The following ITPR2 variants were observed in gnomAD, a reference collection of about 807,000 sequenced individuals.
ITPR2 encodes the protein inositol 1,4,5-trisphosphate-gated calcium channel ITPR2.
ITPR2 carries 207 observed loss-of-function variants against 317.1 expected under a neutral mutation model. The ratio of observed to expected loss-of-function variants is 0.65; its 90% CI spans 0.58 to 0.73. The LOEUF is 0.73. ITPR2 is among the 30% of genes least tolerant of loss of function. The pLI is 0.00. For missense variants in ITPR2, 2,613 were observed against 3,284.0 expected, an observed-to-expected ratio of 0.80 and a Z score of 4.99; for synonymous variants, 1,156 against 1,149.1, an observed-to-expected ratio of 1.01 and a Z score of -0.12.
chr12:26,520,782 C>T (rs1943642059), intron 37 of ITPR2, among the ~76,000 whole-genome samples: 2 of 151,984 alleles, frequency 1.3e-5, no homozygotes, highest in South Asian at 4.2e-4. Context: ...ATAGACCAAC[C>T]AAGAAAATCT....
chr12:26,380,354 A>G (rs1175094986), intron 55 of ITPR2, among the ~76,000 whole-genome samples: 1 of 152,242 alleles, frequency 6.6e-6, no homozygotes, highest in Admixed American at 6.5e-5. Context: ...AACATAGGGG[A>G]CAGATCCCAT....
intron 36 of ITPR2, among the ~76,000 whole-genome samples, chr12:26,552,823 T>G (rs544117988): frequency 2.0e-5 from 3 of 152,332 alleles, no homozygotes; most frequent in African/African-American, 7.2e-5. Flanking sequence ...ATTTTGTTTT[T>G]CGCTCTCTCA....
chr12:26,800,339 T>C (rs910955600), intron 1 of ITPR2, among the ~76,000 whole-genome samples: 3 of 152,180 alleles, frequency 2.0e-5, no homozygotes, highest in Non-Finnish European at 4.4e-5. Flanking sequence ...CAAGTTACTA[T>C]GCATGAGTCA....
intron 45 of ITPR2, among the ~76,000 whole-genome samples, chr12:26,464,021 C>G (rs763853433): frequency 6.6e-6 from 1 of 152,130 alleles, no homozygotes; most frequent in Non-Finnish European, 1.5e-5. Flanking sequence ...ATCTAAAATG[C>G]AAGCCCCACC....
intron 2 of ITPR2, among the ~76,000 whole-genome samples, chr12:26,733,137 A>C (rs1478655685): frequency 6.6e-6 from 1 of 151,868 alleles, no homozygotes; most frequent in Non-Finnish European, 1.5e-5. Flanking sequence ...AACATGGCAA[A>C]ACCCCATCTC....
intron 50 of ITPR2, among the ~76,000 whole-genome samples, chr12:26,416,571 A>C (rs1252224676): frequency 6.6e-6 from 1 of 152,046 alleles, no homozygotes; most frequent in Non-Finnish European, 1.5e-5. Context: ...GTCCAATTTA[A>C]TTGTAGTCTT....
chr12:26,637,980 T>C (rs1591986272), intron 21 of ITPR2, among the ~76,000 whole-genome samples: 2 of 152,226 alleles, frequency 1.3e-5, no homozygotes, highest in South Asian at 4.2e-4. Flanking sequence ...GGCTTAGAAA[T>C]AGAACAAAAC....
chr12:26,410,137 A>C lies in ITPR2; in HGVS notation c.7399+1183T>G, dbSNP rs187437304. Among the ~76,000 whole-genome samples the C allele has an allele frequency of 1.1e-3, 160 of 152,318 alleles. 1 individual carries two copies. The highest frequency in any genetic ancestry group is 3.6e-3 in the African/African-American group (151 of 41,578). On this transcript the variant is annotated intron_variant, in intron 52 of 56. Transcript: ENST00000381340. ...TACTCACTGTTATAGTATGTGAGGA[A>C]AGCTGAAGAAATCGGAGGTGTTTAG... is the stretch of plus-strand genomic sequence containing the variant.
intron 2 of ITPR2, among the ~76,000 whole-genome samples, chr12:26,751,738 C>T (rs747452232): frequency 1.1e-4 from 16 of 151,952 alleles, no homozygotes; most frequent in Admixed American, 2.6e-4. Context: ...TGGTGGTGGG[C>T]GCCTGTAGTC....
At chr12:26,451,338 GA>G (rs1941736095) in intron 45 of ITPR2, among the ~76,000 whole-genome samples, 1 of 148,810 alleles carries the variant, frequency 6.7e-6, no homozygotes, top group Admixed American at 6.8e-5. Context: ...GGGAAATCAT[GA>G]GATCTCAAGA....
At chr12:26,800,953 C>A in intron 1 of ITPR2, 1 of 163,524 alleles carries the variant, frequency 6.1e-6, no homozygotes, top group South Asian at 1.6e-4. Context: ...AGAGACCACT[C>A]GAGGGCTCCT....
intron 9 of ITPR2, among the ~76,000 whole-genome samples, chr12:26,706,736 C>A (rs949513080): frequency 6.6e-6 from 1 of 152,128 alleles, no homozygotes; most frequent in African/African-American, 2.4e-5. Flanking sequence ...TCAGTCCCAG[C>A]CTCGAGGTAG....
At chr12:26,399,601 C>A (rs1040301138) in intron 53 of ITPR2, among the ~76,000 whole-genome samples, 1 of 152,206 alleles carries the variant, frequency 6.6e-6, no homozygotes, top group East Asian at 1.9e-4. Context: ...CAATATGATA[C>A]AACTGGCCGG....
At chr12:26,379,081 T>TA (rs1591975921) in intron 55 of ITPR2, among the ~76,000 whole-genome samples, 1 of 152,336 alleles carries the variant, frequency 6.6e-6, no homozygotes, top group East Asian at 1.9e-4. Context: ...CGAATACTAA[T>TA]AGACATTTAT....
chr12:26,803,359 C>A (rs1206074227), intron 1 of ITPR2, among the ~76,000 whole-genome samples: 30 of 145,028 alleles, frequency 2.1e-4, no homozygotes, highest in African/African-American at 2.3e-4. Flanking sequence ...ATAGTAAGTG[C>A]AAAAAAAAAA....
At chr12:26,410,022 A>T (rs778026883) in intron 52 of ITPR2, among the ~76,000 whole-genome samples, 2 of 152,210 alleles carry the variant, frequency 1.3e-5, no homozygotes, top group African/African-American at 4.8e-5. Flanking sequence ...AGTCAGCCAA[A>T]TATGGATCAA....
intron 34 of ITPR2, among the ~76,000 whole-genome samples, chr12:26,568,217 A>C (rs1300100358): frequency 6.6e-6 from 1 of 151,192 alleles, no homozygotes; most frequent in Non-Finnish European, 1.5e-5. Context: ...ATTTTTTAAA[A>C]TACTTGTTCC....
At chr12:26,768,288 T>G (rs945819338) in intron 2 of ITPR2, among the ~76,000 whole-genome samples, 1 of 143,610 alleles carries the variant, frequency 7.0e-6, no homozygotes, top group Non-Finnish European at 1.5e-5. Flanking sequence ...GGGGGAGGGA[T>G]AGCAGTGGGA....
chr12:26,815,819 C>A (rs1592156215), intron 1 of ITPR2, among the ~76,000 whole-genome samples: 2 of 152,180 alleles, frequency 1.3e-5, no homozygotes, highest in East Asian at 3.9e-4. Context: ...CTGTGGCCGG[C>A]GCGGTGGCTT....
Sources: allele counts gnomAD v4.1 joint callset (sites outside exome capture counted in the v4.1 genomes callset), GRCh38; gene constraint gnomAD v4.1.1; transcripts MANE v1.5; gene names NCBI Gene and HGNC (gene_info 2026-07-23, HGNC 2026-07-21).